PYM1: variants seen among roughly 807,000 people sequenced by gnomAD.
The protein encoded by PYM1 is PYM1 exon junction complex associated factor, also known as partner of Y14 and mago.
Under a neutral mutation model 20.7 loss-of-function variants are expected in PYM1, and 7 were observed. The ratio of observed to expected loss-of-function variants is 0.34; its 90% CI spans 0.19 to 0.64. The LOEUF (loss-of-function observed/expected upper bound fraction) is 0.64, where lower values mean the gene tolerates loss of function less well. Among genes scored for constraint, PYM1 ranks in the 30% least tolerant of loss-of-function variants. PYM1 has a pLI of 0.74. For synonymous variants in PYM1, 100 were observed against 99.2 expected, an observed-to-expected ratio of 1.01 and a Z score of -0.05; for missense variants, 194 against 250.0, an observed-to-expected ratio of 0.78 and a Z score of 1.51.
intron 1 of PYM1, among the ~76,000 whole-genome samples, chr12:55,923,859 C>T (rs760360241): frequency 2.0e-5 from 3 of 152,006 alleles, no homozygotes; most frequent in Non-Finnish European, 4.4e-5. Context: ...TGGCAGATCA[C>T]GAGGTCAGGA....
intron 1 of PYM1, among the ~76,000 whole-genome samples, chr12:55,924,676 T>C (rs1278147682): frequency 6.6e-6 from 1 of 152,062 alleles, no homozygotes; most frequent in Non-Finnish European, 1.5e-5. Flanking sequence ...ATTTAAATAT[T>C]TATTTATTAT....
intron 1 of PYM1, among the ~76,000 whole-genome samples, chr12:55,919,959 C>G (rs1331327642): frequency 6.6e-6 from 1 of 151,830 alleles, no homozygotes; most frequent in Non-Finnish European, 1.5e-5. Flanking sequence ...GTAATCCCAC[C>G]ACTTTGGAAG....
intron 1 of PYM1, among the ~76,000 whole-genome samples, chr12:55,908,847 G>C (rs1882871636): frequency 1.3e-5 from 2 of 151,542 alleles, no homozygotes; most frequent in Admixed American, 6.6e-5. Flanking sequence ...GCAAGACTCT[G>C]TCTCCAAAAA....
chr12:55,926,591 G>A (rs1398552347), intron 1 of PYM1, among the ~76,000 whole-genome samples: 4 of 152,164 alleles, frequency 2.6e-5, no homozygotes, highest in African/African-American at 9.7e-5. Flanking sequence ...AACAAATGAA[G>A]ATACGGGAGA....
chr12:55,911,047 C>G (rs1341809804), intron 1 of PYM1, among the ~76,000 whole-genome samples: 1 of 152,150 alleles, frequency 6.6e-6, no homozygotes, highest in Non-Finnish European at 1.5e-5. Context: ...TTTAGTTAAC[C>G]TCTTCGGCAT....
At position 55,920,632 on chromosome 12, in the gene PYM1, G is replaced by A. The variant is rs573251350; in HGVS notation, c.37+7093C>T. On this transcript the variant is annotated intron_variant, in intron 1 of 2. Transcript: ENST00000408946. ...CAGCCTGGTGACAAAGCGAGACTCC[G>A]TCTCAAAAAAAAAAAAAGAAAAAAA... 1.7e-4 allele frequency among the ~76,000 whole-genome samples: 24 copies of A among 143,568 alleles called. 1 individual carries two copies. Among genetic ancestry groups the A allele is most frequent in the African/African-American group, 4.1e-4 (16 of 38,748 alleles). The allele number at this position is 143,568 out of a possible 152,430, so 94.2% of individuals were successfully genotyped here. A position where few individuals can be genotyped will look rare whatever the true frequency, so the allele number is the denominator to read the frequency against.
chr12:55,916,501 C>T (rs1167787090), intron 1 of PYM1, among the ~76,000 whole-genome samples: 1 of 151,832 alleles, frequency 6.6e-6, no homozygotes. Flanking sequence ...GATAATACTA[C>T]ATTTAAAAGT....
rs901275249 is a variant in PYM1, at chr12:55,911,057, T to C, written c.38-7577A>G. ...AGACTTTTAGTTAACCTCTTCGGCA[T>C]TGGGAGAGCCTGGAAGAAATAGATC... On this transcript the variant is annotated intron_variant, in intron 1 of 2. Transcript: ENST00000408946. Among the ~76,000 whole-genome samples the C allele has an allele frequency of 5.3e-5, 8 of 152,206 alleles. No individual in the cohort carries two copies. The South Asian group carries it at 8.3e-4, about 16-fold the overall frequency.
At chr12:55,926,844 G>A (rs1396960166) in intron 1 of PYM1, among the ~76,000 whole-genome samples, 2 of 152,304 alleles carry the variant, frequency 1.3e-5, no homozygotes, top group South Asian at 2.1e-4. Context: ...TCCTGAAGCA[G>A]GGACCAGCAC....
chr12:55,923,694 T>C (rs1482540357), intron 1 of PYM1, among the ~76,000 whole-genome samples: 3 of 151,584 alleles, frequency 2.0e-5, no homozygotes, highest in East Asian at 3.9e-4. Flanking sequence ...GGAAACTGAG[T>C]GTAGGGTATA....
intron 1 of PYM1, among the ~76,000 whole-genome samples, chr12:55,920,440 C>A (rs1326985646): frequency 1.3e-5 from 2 of 151,880 alleles, no homozygotes; most frequent in East Asian, 3.9e-4. Context: ...GAGTTCAAGA[C>A]CAGCCTAGAC....
At chr12:55,923,414 A>G (rs1392240479) in intron 1 of PYM1, among the ~76,000 whole-genome samples, 1 of 151,914 alleles carries the variant, frequency 6.6e-6, no homozygotes, top group African/African-American at 2.4e-5. Flanking sequence ...AAAAATACAA[A>G]AATTAGCCAG....
intron 1 of PYM1, chr12:55,927,414 C>T (rs1183457294): frequency 1.4e-6 from 1 of 710,084 alleles, no homozygotes; most frequent in Non-Finnish European, 2.5e-6. Context: ...CCTCGTACGT[C>T]CAGGACCTGC....
intron 1 of PYM1, among the ~76,000 whole-genome samples, chr12:55,919,570 A>C (rs921029684): frequency 2.6e-5 from 4 of 152,186 alleles, no homozygotes; most frequent in Non-Finnish European, 5.9e-5. Flanking sequence ...ATGTCATTTT[A>C]CCTTAATGTT....
intron 1 of PYM1, among the ~76,000 whole-genome samples, chr12:55,925,034 GAAGTT>G (rs1883165613): frequency 6.6e-6 from 1 of 152,236 alleles, no homozygotes; most frequent in African/African-American, 2.4e-5. Flanking sequence ...GATCTTGGCA[GAAGTT>G]AAGTTATATT....
chr12:55,925,782 A>G (rs921493548), intron 1 of PYM1, among the ~76,000 whole-genome samples: 2 of 152,204 alleles, frequency 1.3e-5, no homozygotes, highest in Admixed American at 1.3e-4. Context: ...GTAAGGTAAG[A>G]TGTGATACCT....
chr12:55,903,759 A>G (rs1049145179), intron 1 of PYM1, among the ~76,000 whole-genome samples: 1 of 152,162 alleles, frequency 6.6e-6, no homozygotes, highest in Non-Finnish European at 1.5e-5. Flanking sequence ...AAACCAAGGC[A>G]ATAGCATGGG....
chr12:55,904,981 T>C (rs1301803593), intron 1 of PYM1, among the ~76,000 whole-genome samples: 1 of 151,904 alleles, frequency 6.6e-6, no homozygotes, highest in Non-Finnish European at 1.5e-5. Flanking sequence ...TGCATATCAT[T>C]ATACAATATT....
chr12:55,901,646 T>C lies in PYM1; in HGVS notation c.*226A>G. 1 of 564,852 alleles carries C rather than the reference T, an allele frequency of 1.8e-6. No homozygotes were observed. The highest frequency in any genetic ancestry group is 3.0e-5 in the South Asian group (1 of 33,070). 35.0% of individuals were successfully genotyped at this position (564,852 alleles called of 1,614,324 possible). A position where few individuals can be genotyped will look rare whatever the true frequency, so the allele number is the denominator to read the frequency against. ...AAGGTACCTGGGGTAGTCACTGAGA[T>C]TTTGAACACTGGGAATGGGAGGGGG... On this transcript the variant is annotated 3_prime_UTR_variant, in exon 3 of 3. Coordinates refer to ENST00000408946, the MANE Select transcript of PYM1 (RefSeq NM_032345.3).
Sources: allele counts gnomAD v4.1 joint callset (sites outside exome capture counted in the v4.1 genomes callset), GRCh38; gene constraint gnomAD v4.1.1; transcripts MANE v1.5; gene names NCBI Gene and HGNC (gene_info 2026-07-23, HGNC 2026-07-21).